The following SPIDR variants were observed in gnomAD, a reference collection of about 807,000 sequenced individuals.
SPIDR encodes the protein DNA repair-scaffolding protein.
A neutral mutation model predicts 104.6 loss-of-function variants in SPIDR; 93 were observed. The observed-to-expected ratio is 0.89, with a 90% CI of 0.75 to 1.06. The LOEUF is 1.06. Among genes scored for constraint, SPIDR ranks in the 50% least tolerant of loss-of-function variants. The pLI is 0.00. For synonymous variants in SPIDR, 431 were observed against 416.9 expected (o/e 1.03, Z -0.41); for missense variants, 1,154 against 1,111.2 (o/e 1.04, Z -0.55).
intron 10 of SPIDR, among the ~76,000 whole-genome samples, chr8:47,637,315 A>G (rs1031613411): frequency 6.6e-6 from 1 of 152,152 alleles, no homozygotes; most frequent in African/African-American, 2.4e-5. Context: ...TACGCCTGCA[A>G]TCCCAGCACT....
chr8:47,370,995 C>A (rs2057944216), intron 5 of SPIDR, among the ~76,000 whole-genome samples: 1 of 151,958 alleles, frequency 6.6e-6, no homozygotes, highest in Non-Finnish European at 1.5e-5. Context: ...CAGCTTCTGC[C>A]TCTGACCTCC....
Position 47,396,488 on chromosome 8 carries a change from C to G in SPIDR, c.638C>G (p.Ala213Gly). ...ESPHKYHVQF[A>G]SDARQIMERL... is the part of the protein sequence containing the mutation. ...CCTCACAAATACCACGTGCAGTTTG[C>G]ATCGGATGCAAGACAGATTATGGAG... Residue 213 changes from alanine (A) to glycine (G), a missense_variant, in exon 6 of 20, where the codon GCA (alanine) becomes GGA (glycine). Ala to Gly is a moderately conservative substitution (Grantham distance 60). Transcript: ENST00000297423. 6.2e-7 allele frequency: 1 copy of G among 1,614,068 alleles called. No homozygotes were observed. Among genetic ancestry groups the G allele is most frequent in the African/African-American group, 1.3e-5 (1 of 75,008 alleles).
chr8:47,493,264 G>A (rs919770694), intron 8 of SPIDR, among the ~76,000 whole-genome samples: 2 of 152,114 alleles, frequency 1.3e-5, no homozygotes, highest in African/African-American at 4.8e-5. Context: ...GAATGACATT[G>A]TGGAAAAACT....
chr8:47,549,908 T>G (rs559567247), intron 8 of SPIDR, among the ~76,000 whole-genome samples: 6 of 152,336 alleles, frequency 3.9e-5, no homozygotes, highest in East Asian at 1.9e-4. Flanking sequence ...GGTCTAACAT[T>G]TAAGTCTTTA....
At chr8:47,442,966 T>C (rs1250662176) in intron 8 of SPIDR, among the ~76,000 whole-genome samples, 1 of 152,194 alleles carries the variant, frequency 6.6e-6, no homozygotes, top group Non-Finnish European at 1.5e-5. Context: ...TAAATGACCT[T>C]GTTTTTTTAA....
chr8:47,438,525 T>C (rs2068787153), intron 7 of SPIDR, among the ~76,000 whole-genome samples: 1 of 152,186 alleles, frequency 6.6e-6, no homozygotes, highest in South Asian at 2.1e-4. Context: ...ATGAGCTACT[T>C]TTCATTAACA....
intron 8 of SPIDR, among the ~76,000 whole-genome samples, chr8:47,445,409 C>T (rs564817077): frequency 6.6e-6 from 1 of 152,264 alleles, no homozygotes; most frequent in South Asian, 2.1e-4. Flanking sequence ...ACTGTGTGTG[C>T]TCTAACTGCT....
chr8:47,471,339 A>C (rs1352797150), intron 8 of SPIDR, among the ~76,000 whole-genome samples: 1 of 152,068 alleles, frequency 6.6e-6, no homozygotes, highest in Non-Finnish European at 1.5e-5. Context: ...AAAAAAAAAA[A>C]AAACAGCCCA....
chr8:47,561,047 C>T (rs2057004859), intron 8 of SPIDR, among the ~76,000 whole-genome samples: 3 of 152,184 alleles, frequency 2.0e-5, no homozygotes, highest in Non-Finnish European at 4.4e-5. Flanking sequence ...GTAATAATAG[C>T]ATCTCCTTCA....
At chr8:47,495,279 T>C (rs4873368) in intron 8 of SPIDR, among the ~76,000 whole-genome samples, 73,388 of 151,718 alleles carry the variant, frequency 0.48, 21,010 homozygotes, top group East Asian at 0.73. Flanking sequence ...TGTGGGCACA[T>C]TGGGAATTTC....
chr8:47,466,908 T>G (rs1337648655), intron 8 of SPIDR, among the ~76,000 whole-genome samples: 1 of 123,188 alleles, frequency 8.1e-6, no homozygotes. Context: ...AAAATATATA[T>G]ATATATAGAT....
intron 8 of SPIDR, among the ~76,000 whole-genome samples, chr8:47,546,340 G>T (rs991609645): frequency 6.6e-6 from 1 of 152,100 alleles, no homozygotes; most frequent in Non-Finnish European, 1.5e-5. Context: ...GTGGTAGTTT[G>T]TATTTTTTCA....
chr8:47,489,685 A>G (rs1488074686), intron 8 of SPIDR, among the ~76,000 whole-genome samples: 1 of 152,266 alleles, frequency 6.6e-6, no homozygotes, highest in Non-Finnish European at 1.5e-5. Context: ...CAGAGCCGTC[A>G]GAAATAATAC....
intron 10 of SPIDR, among the ~76,000 whole-genome samples, chr8:47,647,616 A>AAGAGAGAG (rs369414271): frequency 0.07 from 4,232 of 60,468 alleles, 196 homozygotes; most frequent in Middle Eastern, 0.13. Flanking sequence ...TCCATCTCGA[A>AAGAGAGAG]AGAGAGAGAG....
At chr8:47,508,974 C>A (rs925355055) in intron 8 of SPIDR, among the ~76,000 whole-genome samples, 5 of 151,978 alleles carry the variant, frequency 3.3e-5, no homozygotes, top group Non-Finnish European at 5.9e-5. Context: ...TGGAAGTGTT[C>A]TTTCTTAAAG....
rs541812740 is a variant in SPIDR at position 47,635,515 on chromosome 8, T to TA, written c.1544+36327dup. On this transcript the variant is annotated intron_variant, in intron 10 of 19. Coordinates refer to ENST00000297423, the MANE Select transcript of SPIDR (RefSeq NM_001080394.4). ...ACACGTACTATGTACCCTCAAAATT[T>TA]AAAAAAAATAAATAAACTGTGGAAG... 4.0e-5 allele frequency among the ~76,000 whole-genome samples: 6 copies of TA among 151,890 alleles called. No individual in the cohort carries two copies. In the South Asian group the frequency reaches 6.2e-4, roughly 16 times the overall value.
chr8:47,432,125 A>T (rs894766605), intron 7 of SPIDR, among the ~76,000 whole-genome samples: 1 of 152,240 alleles, frequency 6.6e-6, no homozygotes, highest in Non-Finnish European at 1.5e-5. Context: ...CTGAATACTT[A>T]TGGGAGCATA....
chr8:47,265,307 G>A (rs1413925695), intron 1 of SPIDR, among the ~76,000 whole-genome samples: 2 of 149,680 alleles, frequency 1.3e-5, no homozygotes, highest in Admixed American at 6.7e-5. Context: ...CTCCCATTTC[G>A]GCCTCCTGAG....
chr8:47,322,832 A>G (rs145141722), intron 5 of SPIDR, among the ~76,000 whole-genome samples: 17 of 152,122 alleles, frequency 1.1e-4, no homozygotes, highest in Admixed American at 9.8e-4. Context: ...GCAAACTATC[A>G]GAAGGACAAA....
Sources: gnomAD v4.1 joint callset for allele counts (sites outside exome capture counted in the v4.1 genomes callset) on GRCh38, gnomAD v4.1.1 for gene constraint, MANE v1.5 for transcripts, NCBI Gene and HGNC (gene_info 2026-07-23, HGNC 2026-07-21) for gene names.